FBN1: variants seen among roughly 807,000 people sequenced by gnomAD.
FBN1 encodes the protein fibrillin 1.
In FBN1, 29 loss-of-function variants were observed where a neutral mutation model predicts 365.1. The ratio of observed to expected loss-of-function variants is 0.08; its 90% CI spans 0.06 to 0.11. The LOEUF (loss-of-function observed/expected upper bound fraction) is 0.11. Among genes scored for constraint, FBN1 ranks in the 10% least tolerant of loss-of-function variants. The pLI is 1.00. For synonymous variants in FBN1, 1,210 were observed against 1,270.5 expected, an observed-to-expected ratio of 0.95 and a Z score of 1.01; for missense variants, 2,476 against 3,703.2, an observed-to-expected ratio of 0.67 and a Z score of 8.60.
In FBN1 at chr15:48,411,050, G is replaced by A; in HGVS notation, c.8556C>T (p.Asp2852=). The A allele has an allele frequency of 6.2e-7, 1 of 1,613,854 alleles. No individual in the cohort carries two copies. The part of the protein sequence containing the change: ...LNQLEDKYDK[D]YLSGELGDNL... The stretch of plus-strand genomic sequence containing the variant: ...TATCACCCAGTTCACCACTGAGGTA[G>A]TCTTTGTCATATTTGTCTTCTAGTT... The change falls in exon 66 of 66, where the codon GAC becomes GAT. Residue 2852 remains aspartate (D), a synonymous_variant. Coordinates refer to ENST00000316623, the MANE Select transcript of FBN1 (RefSeq NM_000138.5).
At chr15:48,456,589 C>T (rs374613586) in intron 44 of FBN1, 48 bp downstream of exon 44, 174 of 1,597,972 alleles carry the variant, frequency 1.1e-4, no homozygotes, top group Non-Finnish European at 1.4e-4. Flanking sequence ...TCAAGTAGCT[C>T]ATCAGTTAGC....
At chr15:48,574,874 A>G (rs2140677814) in intron 6 of FBN1, among the ~76,000 whole-genome samples, 1 of 152,328 alleles carries the variant, frequency 6.6e-6, no homozygotes, top group East Asian at 1.9e-4. Flanking sequence ...TTAATTTTGA[A>G]TGTTAATTTA....
At chr15:48,433,945 G>A (rs571336113) in intron 54 of FBN1, among the ~76,000 whole-genome samples, 3 of 152,252 alleles carry the variant, frequency 2.0e-5, no homozygotes, top group South Asian at 2.1e-4. Context: ...CCCCACTCTC[G>A]GAGTTTCTGA....
At chr15:48,610,908 C>T in intron 3 of FBN1, 82 bp from the exon 4 acceptor site, 1 of 1,199,594 alleles carries the variant, frequency 8.3e-7, no homozygotes. Flanking sequence ...ATGAGGAAAC[C>T]TGGGTTCTCA....
In FBN1 at chr15:48,634,655, G is replaced by A. The variant is rs531334961; in HGVS notation, c.164+9951C>T. On this transcript the variant is annotated intron_variant, in intron 2 of 65. Transcript: ENST00000316623. Reference sequence around the variant, plus strand: ...AAATTTTGTATTTTACTTAGACCTTGTTTACTTTTCTTAAGGTTTTAACTC... The same window carrying A: ...AAATTTTGTATTTTACTTAGACCTTATTTACTTTTCTTAAGGTTTTAACTC... Among the ~76,000 whole-genome samples the A allele has an allele frequency of 7.2e-5, 11 of 151,900 alleles. No individual in the cohort carries two copies. The East Asian group carries it at 1.7e-3, about 24-fold the overall frequency.
chr15:48,599,933 C>T lies in FBN1; in HGVS notation c.442+206G>A, dbSNP rs12593662. On this transcript the variant is annotated intron_variant, in intron 5 of 65. Transcript: ENST00000316623. ...GTAAATGAGAGGAAAATGAATCAAA[C>T]AACCTGTAACCAATCAAGGTTCCAA... is the stretch of plus-strand genomic sequence containing the variant. Among the ~76,000 whole-genome samples the T allele has an allele frequency of 0.018, 2,681 of 152,272 alleles. 55 individuals carry two copies. Among genetic ancestry groups the T allele is most frequent in the East Asian group, 0.084 (433 of 5,178 alleles).
At chr15:48,503,614 G>A (rs2043681522) in intron 17 of FBN1, among the ~76,000 whole-genome samples, 173 bp downstream of exon 17, 1 of 152,196 alleles carries the variant, frequency 6.6e-6, no homozygotes, top group Admixed American at 6.5e-5. Flanking sequence ...TAATTATGAG[G>A]CTTAGATAAG....
chr15:48,573,425 G>A (rs1387514765), intron 6 of FBN1, among the ~76,000 whole-genome samples: 2 of 151,928 alleles, frequency 1.3e-5, no homozygotes, highest in African/African-American at 4.8e-5. Context: ...ATAATAAATT[G>A]TAAATTAAAC....
chr15:48,472,753 G>A, intron 34 of FBN1, 77 bp from the exon 35 acceptor site: 21 of 1,600,428 alleles, frequency 1.3e-5, no homozygotes, highest in Non-Finnish European at 1.8e-5. Flanking sequence ...CAACTTTCCA[G>A]TGCAGCAATG....
At chr15:48,629,329 TCAATA>T (rs747680132) in intron 2 of FBN1, among the ~76,000 whole-genome samples, 1 of 152,092 alleles carries the variant, frequency 6.6e-6, no homozygotes, top group Non-Finnish European at 1.5e-5. Context: ...ACCAATTTCT[TCAATA>T]CATAAATTAC....
At chr15:48,515,652 C>T (rs1312417496) in intron 11 of FBN1, 125 bp from the exon 12 acceptor site, 17 of 1,261,142 alleles carry the variant, frequency 1.3e-5, no homozygotes, top group South Asian at 2.5e-5. Flanking sequence ...GGGCAAAGGT[C>T]GTCTGGTGAC....
At chr15:48,464,408 C>T (rs771472188) in intron 40 of FBN1, among the ~76,000 whole-genome samples, 15 of 152,138 alleles carry the variant, frequency 9.9e-5, no homozygotes, top group African/African-American at 3.6e-4. Flanking sequence ...CTACTCTACT[C>T]GGGAGGCTGA....
intron 2 of FBN1, among the ~76,000 whole-genome samples, chr15:48,637,702 T>C (rs916674230): frequency 1.3e-5 from 2 of 152,198 alleles, no homozygotes; most frequent in Non-Finnish European, 2.9e-5. Context: ...TCAAAAACTA[T>C]TCTATTGAAC....
rs2042947403 is a variant in FBN1 at position 48,422,032 on chromosome 15, T to A, written c.7490A>T (p.Gln2497Leu). ...GCCAATGGTGTTAACACATAGGAAC[T>A]GGCAGTTGTGTTGCTTGGTTGCACA... ...DECATKQHNCQFLCVNTIGGF... is the reference protein window; with the variant it reads ...DECATKQHNCLFLCVNTIGGF... The change falls in exon 61 of 66, where the codon CAG becomes CTG. Residue 2497 changes from glutamine (Q) to leucine (L), a missense_variant. Around this residue, in one of 5 missense-constraint regions of FBN1, gnomAD observed 1,780 missense variants for 2,840.8 expected, o/e 0.63. Transcript: ENST00000316623. 2 of 1,613,952 alleles carry A rather than the reference T, an allele frequency of 1.2e-6. No homozygotes were observed. Among genetic ancestry groups the A allele is most frequent in the Non-Finnish European group, 1.7e-6 (2 of 1,179,938 alleles).
At chr15:48,612,518 A>G (rs1384862517) in intron 3 of FBN1, among the ~76,000 whole-genome samples, 1 of 152,206 alleles carries the variant, frequency 6.6e-6, no homozygotes, top group East Asian at 1.9e-4. Flanking sequence ...AGAAATCAAT[A>G]GAGGAACCTC....
In FBN1 at chr15:48,534,258, T is replaced by C. The variant is rs57512865; in HGVS notation, c.737-53A>G. On this transcript the variant is annotated intron_variant, in intron 7 of 65. Transcript: ENST00000316623. ...AAAAAAAAAACTCATATGAAATTCA[T>C]TGCAGAATAAAATGTGATAATTTGT... The C allele has an allele frequency of 0.013, 21,089 of 1,564,956 alleles. 1,844 individuals are homozygous for C. The East Asian group carries it at 0.26, about 19-fold the overall frequency.
In FBN1 at chr15:48,432,946, C is replaced by T. The variant is rs780651466; in HGVS notation, c.6659G>A (p.Arg2220Gln). ...CAQNPLLCAF[R>Q]CVNTYGSYEC... ...ATATGACCCATAAGTGTTCACACAT[C>T]GGAAGGCACAGAGCAGAGGATTCTG... Residue 2220 changes from arginine to glutamine, a missense_variant, in exon 55 of 66, where the codon CGA becomes CAA. By Grantham distance (43) the Arg-to-Gln change is conservative. Around this residue, in one of 5 missense-constraint regions of FBN1, gnomAD observed 1,780 missense variants for 2,840.8 expected, o/e 0.63. Transcript: ENST00000316623. The T allele has an allele frequency of 7.4e-6, 12 of 1,613,452 alleles. No homozygotes were observed. The highest frequency in any genetic ancestry group is 4.0e-5 in the African/African-American group (3 of 74,836).
At chr15:48,473,032 C>G (rs36108380) in intron 34 of FBN1, among the ~76,000 whole-genome samples, 3,196 of 152,212 alleles carry the variant, frequency 0.021, 47 homozygotes, top group Non-Finnish European at 0.031. Context: ...AGATGGGCAC[C>G]AAAAGTGCAA....
Position 48,420,561 on chromosome 15 carries a change from G to T in FBN1, c.7819+126C>A, listed in dbSNP as rs890751440. The T allele has an allele frequency of 2.3e-6, 3 of 1,312,594 alleles. No individual in the cohort carries two copies. The South Asian group carries it at 3.6e-5, about 16-fold the overall frequency. 81.3% of individuals were successfully genotyped at this position (1,312,594 alleles called of 1,614,324 possible). On this transcript the variant is annotated intron_variant, in intron 63 of 65. Coordinates refer to ENST00000316623, the MANE Select transcript of FBN1 (RefSeq NM_000138.5). ...GTTACTTACCTCGGGTTTCAACCAG[G>T]TTAGGGCAATTTTAAATGAGTATTT...
Sources: gnomAD v4.1 joint callset for allele counts (sites outside exome capture counted in the v4.1 genomes callset) on GRCh38, gnomAD v4.1.1 for gene constraint, gnomAD v4.1.1 regional missense constraint, MANE v1.5 for transcripts, NCBI Gene and HGNC (gene_info 2026-07-23, HGNC 2026-07-21) for gene names.